The following CDH8 variants were observed in gnomAD, a reference collection of about 807,000 sequenced individuals.
The protein encoded by CDH8 is cadherin 8.
In CDH8, 17 loss-of-function variants were observed where a neutral mutation model predicts 68.1. The ratio of observed to expected loss-of-function variants is 0.25; its 90% CI spans 0.17 to 0.37. CDH8 has a LOEUF of 0.37. Ranked by LOEUF, CDH8 falls within the 10% of genes least tolerant of loss-of-function variation. CDH8 has a pLI of 1.00. For synonymous variants in CDH8, 372 were observed against 365.1 expected (o/e 1.02, Z -0.21); for missense variants, 763 against 999.3 (o/e 0.76, Z 3.19).
Position 61,913,269 on chromosome 16 carries a change from C to T in CDH8, c.253-11796G>A, listed in dbSNP as rs943272641. Among the ~76,000 whole-genome samples the T allele has an allele frequency of 5.3e-5, 8 of 152,052 alleles. 1 individual carries two copies. Among genetic ancestry groups the T allele is most frequent in the Admixed American group, 5.2e-4 (8 of 15,254 alleles). ...GCACCAGTCACATGAGGTCAGGTGT[C>T]AGATTTTCTACTGGTGGAATCATCT... On this transcript the variant is annotated intron_variant, in intron 2 of 11. Coordinates refer to ENST00000577390, the MANE Select transcript of CDH8 (RefSeq NM_001796.5).
intron 9 of CDH8, among the ~76,000 whole-genome samples, chr16:61,716,678 AGGTGGCTGAACT>A (rs933871453): frequency 6.6e-6 from 1 of 151,738 alleles, no homozygotes; most frequent in Non-Finnish European, 1.5e-5. Context: ...GCTGGGGAGA[AGGTGGCTGAACT>A]GGTGAATTAT....
chr16:61,861,691 T>C (rs1963152807), intron 3 of CDH8, among the ~76,000 whole-genome samples: 1 of 152,212 alleles, frequency 6.6e-6, no homozygotes, highest in Non-Finnish European at 1.5e-5. Context: ...AGAACATTTC[T>C]TTTACATTTC....
At chr16:61,756,902 A>C (rs969169996) in intron 8 of CDH8, among the ~76,000 whole-genome samples, 1 of 152,148 alleles carries the variant, frequency 6.6e-6, no homozygotes, top group African/African-American at 2.4e-5. Context: ...AACGAATCCT[A>C]ATCCAATCAT....
intron 2 of CDH8, chr16:61,940,119 T>C (rs1439218420): frequency 6.6e-6 from 1 of 152,184 alleles, no homozygotes; most frequent in African/African-American, 2.4e-5. Context: ...TGAATTATAT[T>C]TCTAGGTTAG....
At chr16:61,759,164 T>G (rs1960397002) in intron 8 of CDH8, among the ~76,000 whole-genome samples, 1 of 152,156 alleles carries the variant, frequency 6.6e-6, no homozygotes, top group African/African-American at 2.4e-5. Flanking sequence ...TGAAATGAAT[T>G]ACAAATTGAT....
intron 6 of CDH8, chr16:61,817,956 T>C: frequency 2.3e-6 from 1 of 428,348 alleles, no homozygotes; most frequent in Non-Finnish European, 4.1e-6. Context: ...ATTGTTTTGT[T>C]TTGCTCATTT....
intron 8 of CDH8, among the ~76,000 whole-genome samples, chr16:61,782,306 C>A (rs1403489217): frequency 6.6e-6 from 1 of 152,188 alleles, no homozygotes; most frequent in Non-Finnish European, 1.5e-5. Context: ...AGTTCCCTTT[C>A]CGAGTCAAAG....
chr16:61,745,172 T>C (rs1166089111), intron 8 of CDH8, among the ~76,000 whole-genome samples: 14 of 151,822 alleles, frequency 9.2e-5, no homozygotes, highest in Admixed American at 8.5e-4. Flanking sequence ...GGCTTGGCAA[T>C]TATTTTCCTT....
At chr16:61,832,560 T>A (rs1405215433) in intron 4 of CDH8, among the ~76,000 whole-genome samples, 1 of 151,806 alleles carries the variant, frequency 6.6e-6, no homozygotes, top group Non-Finnish European at 1.5e-5. Context: ...TGTTTATACA[T>A]TTTGACCAGT....
At chr16:61,964,035 T>A (rs766098239) in intron 2 of CDH8, among the ~76,000 whole-genome samples, 2 of 152,170 alleles carry the variant, frequency 1.3e-5, no homozygotes, top group African/African-American at 2.4e-5. Flanking sequence ...CCTCAAACGG[T>A]TCTTGGAAAC....
intron 10 of CDH8, among the ~76,000 whole-genome samples, chr16:61,662,202 T>G (rs1203743225): frequency 6.6e-6 from 1 of 151,240 alleles, no homozygotes; most frequent in East Asian, 2.0e-4. Context: ...ACCTCTAAAC[T>G]TGGCTTCAAT....
intron 2 of CDH8, among the ~76,000 whole-genome samples, chr16:61,930,869 C>G (rs776303920): frequency 2.4e-4 from 37 of 152,102 alleles, no homozygotes; most frequent in Non-Finnish European, 4.6e-4. Flanking sequence ...TAAATGTCAC[C>G]CCCAGCGAAA....
intron 7 of CDH8, among the ~76,000 whole-genome samples, chr16:61,809,884 G>A (rs115418019): frequency 4.5e-4 from 69 of 152,298 alleles, no homozygotes; most frequent in African/African-American, 1.5e-3. Context: ...AGCAAAGACC[G>A]TGGAATTCAA....
chr16:61,876,222 A>G (rs1220069734), intron 3 of CDH8, among the ~76,000 whole-genome samples: 2 of 152,156 alleles, frequency 1.3e-5, no homozygotes, highest in East Asian at 1.9e-4. Context: ...AGAATGCAAT[A>G]TAGTCTTCAT....
At chr16:61,912,897 T>C (rs1964183385) in intron 2 of CDH8, among the ~76,000 whole-genome samples, 1 of 152,134 alleles carries the variant, frequency 6.6e-6, no homozygotes, top group Non-Finnish European at 1.5e-5. Flanking sequence ...CATTCATGTA[T>C]TCAAACAATC....
At chr16:61,943,840 G>C (rs778373709) in intron 2 of CDH8, among the ~76,000 whole-genome samples, 8 of 152,252 alleles carry the variant, frequency 5.3e-5, no homozygotes, top group African/African-American at 9.6e-5. Context: ...CACAGAGAAG[G>C]CATCTTTGGA....
rs16964011 is a variant in CDH8, at chr16:61,863,108, T to C, written c.548-5870A>G. 6.9e-3 allele frequency among the ~76,000 whole-genome samples: 1,046 copies of C among 152,334 alleles called. 16 individuals are homozygous for C. Among genetic ancestry groups the C allele is most frequent in the African/African-American group, 0.023 (973 of 41,582 alleles). On this transcript the variant is annotated intron_variant, in intron 3 of 11. Transcript: ENST00000577390. Reference sequence around the variant, plus strand: ...TCCCTGTCACCACAATTCAGCCTGCTAGTATCAAGCCGAGTATGAACACAT... The same window carrying C: ...TCCCTGTCACCACAATTCAGCCTGCCAGTATCAAGCCGAGTATGAACACAT...
At chr16:61,771,594 T>C (rs1321265679) in intron 8 of CDH8, among the ~76,000 whole-genome samples, 1 of 150,628 alleles carries the variant, frequency 6.6e-6, no homozygotes, top group African/African-American at 2.4e-5. Context: ...AAAGTCAGAG[T>C]CCTTTAAACA....
intron 5 of CDH8, among the ~76,000 whole-genome samples, chr16:61,823,651 C>T (rs1962265461): frequency 6.6e-6 from 1 of 151,888 alleles, no homozygotes; most frequent in Non-Finnish European, 1.5e-5. Context: ...GAACCACAGC[C>T]TATCACTCAA....
Sources: gnomAD v4.1 joint callset for allele counts (sites outside exome capture counted in the v4.1 genomes callset) on GRCh38, gnomAD v4.1.1 for gene constraint, MANE v1.5 for transcripts, NCBI Gene and HGNC (gene_info 2026-07-23, HGNC 2026-07-21) for gene names.